The following URAD variants were observed in gnomAD, a reference collection of about 807,000 sequenced individuals.
URAD encodes putative 2-oxo-4-hydroxy-4-carboxy-5-ureidoimidazoline decarboxylase.
In URAD, 4 loss-of-function variants were observed where a neutral mutation model predicts 4.6. The ratio of observed to expected loss-of-function variants is 0.87; its 90% CI spans 0.43 to 1.98. URAD has a LOEUF of 1.98. URAD is among the 30% of genes most tolerant of loss of function. The probability of loss-of-function intolerance (pLI) is 0.03; values close to 1 mark genes in which losing one functional copy is unlikely to be tolerated. For synonymous variants in URAD, 144 were observed against 118.2 expected (o/e 1.22, Z -1.41); for missense variants, 300 against 255.3 (o/e 1.18, Z -1.19).
rs755271949 is a variant in URAD at position 27,988,662 on chromosome 13, G to A, written c.-25C>T. 5 of 1,555,944 alleles carry A rather than the reference G, an allele frequency of 3.2e-6. No homozygotes were observed. Among genetic ancestry groups the A allele is most frequent in the East Asian group, 2.3e-5 (1 of 43,120 alleles). ...TTCCTTGTATTCCACTGGAGACAGC[G>A]GGACGTCCAGCTCCCCTCTCGGTGA... On this transcript the variant is annotated 5_prime_UTR_variant, in exon 1 of 2. Coordinates refer to ENST00000332715, the MANE Select transcript of URAD (RefSeq NM_001105577.2).
rs1870076242 is a variant in URAD, at chr13:27,987,894, A to ATAGATAGATAGG, written c.175+568_175+569insCCTATCTATCTA. Among the ~76,000 whole-genome samples, 3 of 39,916 alleles carry ATAGATAGATAGG rather than the reference A, an allele frequency of 7.5e-5. 1 individual carries two copies. The South Asian group carries it at 1.4e-3, about 19-fold the overall frequency. The allele number at this position is 39,916 out of a possible 152,430, so 26.2% of individuals were successfully genotyped here. ...GGAATTAGACTAAAATAGATAGATG[A>ATAGATAGATAGG]TAGATAGATAGATAGATAGATAGAT... is the stretch of plus-strand genomic sequence containing the variant. On this transcript the variant is annotated intron_variant, in intron 1 of 1. Coordinates refer to ENST00000332715, the MANE Select transcript of URAD (RefSeq NM_001105577.2).
Sources: allele counts gnomAD v4.1 joint callset (sites outside exome capture counted in the v4.1 genomes callset), GRCh38; gene constraint gnomAD v4.1.1; transcripts MANE v1.5; gene names NCBI Gene and HGNC (gene_info 2026-07-23, HGNC 2026-07-21).